The following MAD1L1 variants were observed in gnomAD, a reference collection of about 807,000 sequenced individuals.
MAD1L1 encodes mitotic spindle assembly checkpoint protein MAD1.
Under a neutral mutation model 96.9 loss-of-function variants are expected in MAD1L1, and 95 were observed. The ratio of observed to expected loss-of-function variants is 0.98; its 90% CI spans 0.83 to 1.16. The LOEUF (loss-of-function observed/expected upper bound fraction) is 1.16. Among genes scored for constraint, MAD1L1 ranks in the 50% most tolerant of loss-of-function variants. The probability of loss-of-function intolerance (pLI) is 0.00; values close to 1 mark genes in which losing one functional copy is unlikely to be tolerated. For missense variants in MAD1L1, 1,007 were observed against 954.4 expected, an observed-to-expected ratio of 1.06 and a Z score of -0.73; for synonymous variants, 473 against 396.6, an observed-to-expected ratio of 1.19 and a Z score of -2.29.
chr7:1,957,602 C>G, intron 16 of MAD1L1, 27 bp downstream of exon 16: 1 of 1,610,784 alleles, frequency 6.2e-7, no homozygotes, highest in Non-Finnish European at 8.5e-7. Flanking sequence ...CAGGCAGTGC[C>G]TCACCCAGAG....
At chr7:2,128,680 T>C (rs779549102) in intron 11 of MAD1L1, among the ~76,000 whole-genome samples, 1 of 152,148 alleles carries the variant, frequency 6.6e-6, no homozygotes, top group Non-Finnish European at 1.5e-5. Context: ...GCCTTGGCCA[T>C]TGCAGGGATC....
intron 10 of MAD1L1, among the ~76,000 whole-genome samples, chr7:2,208,221 G>A (rs1792702461): frequency 6.6e-6 from 1 of 152,014 alleles, no homozygotes; most frequent in Non-Finnish European, 1.5e-5. Flanking sequence ...GTGGCTCACT[G>A]CTAGTATACA....
chr7:2,110,688 CA>C (rs1787333176), intron 11 of MAD1L1, among the ~76,000 whole-genome samples: 1 of 152,200 alleles, frequency 6.6e-6, no homozygotes, highest in Admixed American at 6.5e-5. Context: ...GCCATCATTT[CA>C]GACTATTAAG....
chr7:2,088,993 A>C lies in MAD1L1; in HGVS notation c.1074-19655T>G, dbSNP rs888256290. The stretch of plus-strand genomic sequence containing the variant: ...TGCCATGAGCCAGGACAGGCTATTC[A>C]TTCTGCCCCACTCCACTGATGGCCT... On this transcript the variant is annotated intron_variant, in intron 11 of 18. Transcript: ENST00000265854. The surrounding 1 kb of genome is among the most constrained non-coding windows in gnomAD (Gnocchi z 4.4). 1 of 152,244 alleles carries C rather than the reference A, an allele frequency of 6.6e-6. No individual in the cohort carries two copies. Among genetic ancestry groups the C allele is most frequent in the Admixed American group, 6.5e-5 (1 of 15,286 alleles). 9.4% of individuals were successfully genotyped at this position (152,244 alleles called of 1,614,324 possible).
At chr7:2,118,418 G>A (rs1305063260) in intron 11 of MAD1L1, among the ~76,000 whole-genome samples, 1 of 152,282 alleles carries the variant, frequency 6.6e-6, no homozygotes, top group South Asian at 2.1e-4. Context: ...AGAAGCAGGA[G>A]GTCAGCCCTG....
rs1787526346 is a variant in MAD1L1 at position 2,114,053 on chromosome 7, C to G, written c.1073+35099G>C. Among the ~76,000 whole-genome samples the G allele has an allele frequency of 6.6e-6, 1 of 152,180 alleles. No homozygotes were observed. Among genetic ancestry groups the G allele is most frequent in the Non-Finnish European group, 1.5e-5 (1 of 68,034 alleles). On this transcript the variant is annotated intron_variant, in intron 11 of 18. Transcript: ENST00000265854. The surrounding 1 kb of genome is among the most constrained non-coding windows in gnomAD (Gnocchi z 4.2). ...GACCTGAACGCAGTCAGGACCCGCGCCTGCTGCACCCAGGCCTTACAGCTT... is the reference window on the plus strand; with the variant it reads ...GACCTGAACGCAGTCAGGACCCGCGGCTGCTGCACCCAGGCCTTACAGCTT...
chr7:2,004,863 A>G (rs1309303967), intron 13 of MAD1L1, among the ~76,000 whole-genome samples: 1 of 152,188 alleles, frequency 6.6e-6, no homozygotes. Context: ...AAAAAACAGA[A>G]CGCATGCATC....
chr7:1,899,014 T>A (rs1197289308), intron 17 of MAD1L1, among the ~76,000 whole-genome samples: 1 of 152,198 alleles, frequency 6.6e-6, no homozygotes, highest in African/African-American at 2.4e-5. Context: ...CGGATCCTAC[T>A]GCCCCGGGGC....
At chr7:1,929,515 A>G (rs995302614) in intron 17 of MAD1L1, among the ~76,000 whole-genome samples, 1 of 152,106 alleles carries the variant, frequency 6.6e-6, no homozygotes, top group African/African-American at 2.4e-5. Flanking sequence ...TGCCTTGTCA[A>G]AGACACCAGG....
intron 17 of MAD1L1, among the ~76,000 whole-genome samples, chr7:1,916,707 C>T (rs1276045435): frequency 2.0e-5 from 3 of 152,094 alleles, no homozygotes; most frequent in African/African-American, 4.8e-5. Context: ...CCCTGTGCTG[C>T]GGGTGTCTTG....
chr7:1,874,501 T>C (rs1008004327), intron 18 of MAD1L1: 4 of 454,614 alleles, frequency 8.8e-6, no homozygotes, highest in African/African-American at 8.0e-5. Flanking sequence ...TTGATCTTGA[T>C]AATCCTATAG....
chr7:1,888,506 G>C (rs368798955), intron 18 of MAD1L1, among the ~76,000 whole-genome samples: 1 of 150,056 alleles, frequency 6.7e-6, no homozygotes, highest in Non-Finnish European at 1.5e-5. Flanking sequence ...GTGGCTGCCT[G>C]TTCGTGTGTG....
chr7:2,061,068 G>C (rs1331581053), intron 12 of MAD1L1, among the ~76,000 whole-genome samples: 1 of 152,268 alleles, frequency 6.6e-6, no homozygotes, highest in African/African-American at 2.4e-5. Context: ...GACGGATACA[G>C]TGGCTCACGC....
At chr7:2,068,613 CCG>C (rs1784987743) in intron 12 of MAD1L1, among the ~76,000 whole-genome samples, 2 of 152,132 alleles carry the variant, frequency 1.3e-5, no homozygotes, top group African/African-American at 4.8e-5. Context: ...GACTTCTTTC[CCG>C]CCTTGTCTTC....
chr7:2,153,133 T>C (rs1789661834), intron 10 of MAD1L1, among the ~76,000 whole-genome samples: 1 of 152,100 alleles, frequency 6.6e-6, no homozygotes, highest in South Asian at 2.1e-4. Flanking sequence ...TAGGCAAAGA[T>C]TTTATAGCTA....
intron 17 of MAD1L1, among the ~76,000 whole-genome samples, chr7:1,934,590 A>ATG (rs1218113450): frequency 2.1e-4 from 32 of 151,912 alleles, no homozygotes; most frequent in Non-Finnish European, 4.3e-4. Context: ...CGAACCCGAG[A>ATG]CAGGCAGAGA....
chr7:1,969,000 C>G lies in MAD1L1; in HGVS notation c.1506-11281G>C, dbSNP rs1035938418. Among the ~76,000 whole-genome samples, 3 of 152,158 alleles carry G rather than the reference C, an allele frequency of 2.0e-5. No homozygotes were observed. Among genetic ancestry groups the G allele is most frequent in the Admixed American group, 2.0e-4 (3 of 15,280 alleles). Reference sequence around the variant, plus strand: ...GTGAGATGTCAACAGCGAGAGAAACCGGGTGAAGAGGGTATGAGAACTCTC... The same window carrying G: ...GTGAGATGTCAACAGCGAGAGAAACGGGGTGAAGAGGGTATGAGAACTCTC... On this transcript the variant is annotated intron_variant, in intron 15 of 18. Transcript: ENST00000265854. This position sits in a 1 kb window ranked among gnomAD's most constrained non-coding sequence, Gnocchi z 5.6.
chr7:2,153,416 C>CAA (rs1789675169), intron 10 of MAD1L1, among the ~76,000 whole-genome samples: 1 of 152,256 alleles, frequency 6.6e-6, no homozygotes, highest in Admixed American at 6.5e-5. Context: ...GGATGACATG[C>CAA]AAATGGCCAA....
At chr7:2,007,705 C>T (rs1357856179) in intron 13 of MAD1L1, among the ~76,000 whole-genome samples, 1 of 152,180 alleles carries the variant, frequency 6.6e-6, no homozygotes, top group Non-Finnish European at 1.5e-5. Flanking sequence ...AGTTAAACCC[C>T]ACAATCCTAC....
Sources: allele counts gnomAD v4.1 joint callset (sites outside exome capture counted in the v4.1 genomes callset), GRCh38; gene constraint gnomAD v4.1.1; non-coding constraint Gnocchi (gnomAD v3.1); transcripts MANE v1.5; gene names NCBI Gene and HGNC (gene_info 2026-07-23, HGNC 2026-07-21).